Variants in ZFAT observed in about 807,000 individuals in gnomAD.
The protein encoded by ZFAT is zinc finger protein ZFAT.
Under a neutral mutation model 117.7 loss-of-function variants are expected in ZFAT, and 64 were observed. The ratio of observed to expected loss-of-function variants is 0.54; its 90% CI spans 0.44 to 0.67. ZFAT has a LOEUF of 0.67. Ranked by LOEUF, ZFAT falls within the 30% of genes least tolerant of loss-of-function variation. The pLI, the probability that ZFAT is intolerant of heterozygous loss-of-function variation, is 0.00. For missense variants in ZFAT, 1,433 were observed against 1,584.5 expected, an observed-to-expected ratio of 0.90 and a Z score of 1.62; for synonymous variants, 679 against 615.0, an observed-to-expected ratio of 1.10 and a Z score of -1.54.
chr8:134,690,791 TGTTCA>T (rs1833548619), intron 1 of ZFAT, among the ~76,000 whole-genome samples: 1 of 152,260 alleles, frequency 6.6e-6, no homozygotes, highest in Admixed American at 6.5e-5. Context: ...ATATCTGGGC[TGTTCA>T]GTTTTTATTA....
chr8:134,506,547 T>C lies in ZFAT; in HGVS notation c.3492+3072A>G, dbSNP rs189494246. Among the ~76,000 whole-genome samples, 83 of 152,334 alleles carry C rather than the reference T, an allele frequency of 5.4e-4. 1 individual carries two copies. The highest frequency in any genetic ancestry group is 3.4e-3 in the Middle Eastern group (1 of 294). On this transcript the variant is annotated intron_variant, in intron 15 of 15. Coordinates refer to ENST00000377838, the MANE Select transcript of ZFAT (RefSeq NM_020863.4). ...AGCAAACAGTTTTTTCCCAGCTCTC[T>C]TCTCTCCAACACTGCCAGCCCCGTA...
At chr8:134,518,147 T>C (rs546638047) in intron 13 of ZFAT, among the ~76,000 whole-genome samples, 1 of 152,322 alleles carries the variant, frequency 6.6e-6, no homozygotes, top group South Asian at 2.1e-4. Context: ...ATAGTAACTT[T>C]CTATTTCCCT....
the ZFAT span, among the ~76,000 whole-genome samples, chr8:134,787,310 G>A: frequency 9.9e-5 from 15 of 151,964 alleles, no homozygotes; most frequent in Non-Finnish European, 1.8e-4. Context: ...ATTTCCTTTC[G>A]CATTTAAACC....
the ZFAT span, among the ~76,000 whole-genome samples, chr8:134,721,872 A>G: frequency 2.0e-5 from 3 of 152,236 alleles, no homozygotes; most frequent in African/African-American, 7.2e-5. Context: ...CAGCCCTCAC[A>G]GTTGAAGAAG....
At chr8:134,827,028 C>T in the ZFAT span, among the ~76,000 whole-genome samples, 1 of 152,168 alleles carries the variant, frequency 6.6e-6, no homozygotes, top group Non-Finnish European at 1.5e-5. Flanking sequence ...ATGACTAAAA[C>T]TCTGAACTCA....
chr8:134,778,158 A>T, the ZFAT span, among the ~76,000 whole-genome samples: 88 of 152,356 alleles, frequency 5.8e-4, no homozygotes, highest in African/African-American at 2.0e-3. Flanking sequence ...CCTTTTAAAA[A>T]TTAATTAAAA....
rs1822883761 is a variant in ZFAT, at chr8:134,548,647, A to G, written c.2977-15675T>C. ...TCACAAAATGTAAGTGCTGGCAGGC[A>G]CTTTGGGAAAAATAGGAGGAGAGGG... On this transcript the variant is annotated intron_variant, in intron 11 of 15. Transcript: ENST00000377838. Among the ~76,000 whole-genome samples, 6 of 152,218 alleles carry G rather than the reference A, an allele frequency of 3.9e-5. 1 individual carries two copies. The highest frequency in any genetic ancestry group is 3.9e-4 in the Admixed American group (6 of 15,284).
the ZFAT span, among the ~76,000 whole-genome samples, chr8:134,803,419 G>A: frequency 1.3e-5 from 2 of 152,132 alleles, no homozygotes; most frequent in African/African-American, 4.8e-5. Context: ...GGTTTCCAAT[G>A]TGCTAAAACA....
At chr8:134,524,450 A>T (rs1820879884) in intron 12 of ZFAT, among the ~76,000 whole-genome samples, 1 of 152,248 alleles carries the variant, frequency 6.6e-6, no homozygotes, top group Non-Finnish European at 1.5e-5. Flanking sequence ...TAAGATTATA[A>T]ATTTAAACTA....
Position 134,503,317 on chromosome 8 carries a change from G to A in ZFAT, c.3492+6302C>T, listed in dbSNP as rs570357798. ...AAAATCTCAGCTGTGATAGAAATAC[G>A]GATCTGCCAATGGATGTGTTTTCTG... On this transcript the variant is annotated intron_variant, in intron 15 of 15. Transcript: ENST00000377838. 2.0e-3 allele frequency among the ~76,000 whole-genome samples: 305 copies of A among 152,270 alleles called. 1 individual carries two copies. Among genetic ancestry groups the A allele is most frequent in the African/African-American group, 6.7e-3 (280 of 41,562 alleles).
chr8:134,809,310 T>C, the ZFAT span, among the ~76,000 whole-genome samples: 2 of 152,222 alleles, frequency 1.3e-5, no homozygotes, highest in African/African-American at 2.4e-5. Flanking sequence ...GTTTAACAAG[T>C]ACTCCAGGTA....
At chr8:134,746,875 A>G in the ZFAT span, among the ~76,000 whole-genome samples, 1 of 152,336 alleles carries the variant, frequency 6.6e-6, no homozygotes, top group Middle Eastern at 3.4e-3. Context: ...AAATTGAGCT[A>G]TAATATGTCT....
chr8:134,503,174 G>C (rs147532975), intron 15 of ZFAT, among the ~76,000 whole-genome samples: 1 of 152,242 alleles, frequency 6.6e-6, no homozygotes, highest in Admixed American at 6.5e-5. Context: ...GGAGGATTGA[G>C]TGGAGTGCTG....
intron 1 of ZFAT, among the ~76,000 whole-genome samples, chr8:134,667,038 A>G (rs1350443258): frequency 1.3e-5 from 2 of 152,216 alleles, no homozygotes; most frequent in Non-Finnish European, 2.9e-5. Flanking sequence ...ACACAGGAAC[A>G]GAAAACCAAA....
intron 15 of ZFAT, among the ~76,000 whole-genome samples, chr8:134,491,571 G>A (rs544076743): frequency 1.3e-5 from 2 of 152,218 alleles, no homozygotes; most frequent in Non-Finnish European, 2.9e-5. Flanking sequence ...GACTTTAAGA[G>A]AGAATCCACT....
the ZFAT span, among the ~76,000 whole-genome samples, chr8:134,743,354 T>C: frequency 6.6e-6 from 1 of 152,066 alleles, no homozygotes; most frequent in Non-Finnish European, 1.5e-5. Flanking sequence ...CTGGGTCTGG[T>C]GATGGGCGCC....
intron 13 of ZFAT, among the ~76,000 whole-genome samples, chr8:134,514,986 G>A (rs1805759910): frequency 1.3e-5 from 2 of 152,090 alleles, no homozygotes; most frequent in Non-Finnish European, 1.5e-5. Context: ...AGGCCCTGGT[G>A]TGTGACGTTC....
At chr8:134,749,027 G>A in the ZFAT span, among the ~76,000 whole-genome samples, 24 of 151,812 alleles carry the variant, frequency 1.6e-4, no homozygotes, top group Admixed American at 5.9e-4. Context: ...CTCATTTCTC[G>A]GGGCAAATGG....
chr8:134,754,495 C>T, the ZFAT span, among the ~76,000 whole-genome samples: 1 of 152,234 alleles, frequency 6.6e-6, no homozygotes, highest in Non-Finnish European at 1.5e-5. Flanking sequence ...GTCACACAGA[C>T]TGCATGTCCA....
Sources: allele counts gnomAD v4.1 joint callset (sites outside exome capture counted in the v4.1 genomes callset), GRCh38; gene constraint gnomAD v4.1.1; transcripts MANE v1.5; gene names NCBI Gene and HGNC (gene_info 2026-07-23, HGNC 2026-07-21).